The following PSD3 variants were observed in gnomAD, a reference collection of about 807,000 sequenced individuals.
PSD3 encodes PH and SEC7 domain-containing protein 3.
In PSD3, 49 loss-of-function variants were observed where a neutral mutation model predicts 105.5. The observed-to-expected ratio is 0.46, with a 90% CI of 0.37 to 0.59. The LOEUF is 0.59. PSD3 is among the 20% of genes least tolerant of loss of function. PSD3 has a pLI of 0.00. For missense variants in PSD3, 1,561 were observed against 1,263.8 expected (o/e 1.24, Z -3.57); for synonymous variants, 557 against 457.8 (o/e 1.22, Z -2.77).
At chr8:18,928,297 G>A (rs183470760) in intron 2 of PSD3, among the ~76,000 whole-genome samples, 82 of 152,312 alleles carry the variant, frequency 5.4e-4, no homozygotes, top group Non-Finnish European at 9.6e-4. Context: ...CCTCTTGCCA[G>A]CTGCCATGTA....
At chr8:18,701,026 T>A (rs971866123) in intron 9 of PSD3, among the ~76,000 whole-genome samples, 1 of 152,124 alleles carries the variant, frequency 6.6e-6, no homozygotes, top group Non-Finnish European at 1.5e-5. Context: ...GAGTGCAGTG[T>A]TGTGATCATG....
intron 1 of PSD3, among the ~76,000 whole-genome samples, chr8:18,950,099 T>C (rs1451321328): frequency 1.3e-5 from 2 of 152,072 alleles, no homozygotes; most frequent in African/African-American, 4.8e-5. Flanking sequence ...AACTATAGCT[T>C]TGTCACGATA....
At chr8:18,863,481 T>C (rs1169384938) in intron 4 of PSD3, among the ~76,000 whole-genome samples, 1 of 152,176 alleles carries the variant, frequency 6.6e-6, no homozygotes, top group Non-Finnish European at 1.5e-5. Context: ...TGATATATTG[T>C]GTTCCATGCA....
At chr8:18,791,184 A>C (rs992050046) in intron 8 of PSD3, among the ~76,000 whole-genome samples, 3 of 152,216 alleles carry the variant, frequency 2.0e-5, no homozygotes, top group African/African-American at 7.2e-5. Context: ...TGCTATCCCC[A>C]TTAAACTACC....
intron 9 of PSD3, among the ~76,000 whole-genome samples, chr8:18,682,384 T>C (rs17127040): frequency 0.053 from 8,092 of 152,270 alleles, 520 homozygotes; most frequent in African/African-American, 0.15. Flanking sequence ...CTCACATACA[T>C]TTATTTAAGA....
rs768457584 is a variant in PSD3 at position 18,556,320 on chromosome 8, C to T, written c.2817G>A (p.Leu939=). 1.9e-6 allele frequency: 3 copies of T among 1,613,620 alleles called. No homozygotes were observed. Among genetic ancestry groups the T allele is most frequent in the Non-Finnish European group, 2.5e-6 (3 of 1,179,894 alleles). ...CGGCCAGCTCGGTGGTGATCTGCTT[C>T]AGCTTACTTTCATGTGACTTCAGTT... The part of the protein sequence containing the change: ...EEQLKSHESK[L]KQITTELAEH... Residue 939 remains leucine (L), a synonymous_variant, in exon 15 of 16, where the codon CTG becomes CTA. Transcript: ENST00000327040.
At chr8:18,821,040 C>G (rs1812655937) in intron 4 of PSD3, among the ~76,000 whole-genome samples, 1 of 152,182 alleles carries the variant, frequency 6.6e-6, no homozygotes, top group African/African-American at 2.4e-5. Context: ...GGCATGGAGT[C>G]ACTGCACCCA....
chr8:18,955,371 G>T (rs1190806904), intron 1 of PSD3, among the ~76,000 whole-genome samples: 1 of 152,140 alleles, frequency 6.6e-6, no homozygotes, highest in East Asian at 1.9e-4. Context: ...CTCCTGAGTA[G>T]CTGGGACTAT....
intron 8 of PSD3, among the ~76,000 whole-genome samples, chr8:18,798,445 C>T (rs1455375878): frequency 2.0e-5 from 3 of 152,018 alleles, no homozygotes; most frequent in Non-Finnish European, 4.4e-5. Context: ...CTTAATGGTC[C>T]CATAGAGCTC....
At chr8:18,937,791 G>A (rs1005506678) in intron 1 of PSD3, among the ~76,000 whole-genome samples, 1 of 152,190 alleles carries the variant, frequency 6.6e-6, no homozygotes, top group Non-Finnish European at 1.5e-5. Flanking sequence ...TCGGCCAAGG[G>A]GCTGCCACGT....
intron 1 of PSD3, among the ~76,000 whole-genome samples, chr8:18,969,062 T>A (rs1043462356): frequency 1.3e-5 from 2 of 152,186 alleles, no homozygotes; most frequent in African/African-American, 4.8e-5. Flanking sequence ...AAGTGTCTAC[T>A]ATGAAAAGGA....
chr8:18,839,068 G>T (rs375777951), intron 4 of PSD3, among the ~76,000 whole-genome samples: 3 of 151,578 alleles, frequency 2.0e-5, no homozygotes, highest in South Asian at 2.1e-4. Context: ...TTTAAAAAGG[G>T]AACTAAAGCT....
chr8:18,791,302 G>A (rs1809696769), intron 8 of PSD3, among the ~76,000 whole-genome samples: 1 of 152,054 alleles, frequency 6.6e-6, no homozygotes, highest in Non-Finnish European at 1.5e-5. Flanking sequence ...GCAAGCTGGA[G>A]GCATCGTGCT....
At chr8:18,815,296 A>C (rs1413376799) in intron 4 of PSD3, among the ~76,000 whole-genome samples, 2 of 151,926 alleles carry the variant, frequency 1.3e-5, no homozygotes, top group Non-Finnish European at 2.9e-5. Flanking sequence ...CCTTTCTTCA[A>C]ATTCTTTTTT....
chr8:18,584,921 G>T (rs1295389777), intron 12 of PSD3, among the ~76,000 whole-genome samples: 1 of 152,152 alleles, frequency 6.6e-6, no homozygotes, highest in African/African-American at 2.4e-5. Flanking sequence ...GAGGGAGAGG[G>T]AGCGGAGGCA....
chr8:18,954,574 T>G (rs1823442909), intron 1 of PSD3, among the ~76,000 whole-genome samples: 1 of 152,076 alleles, frequency 6.6e-6, no homozygotes, highest in South Asian at 2.1e-4. Context: ...AAAAAAGAGT[T>G]CTGGTCGGAG....
chr8:18,601,815 C>T (rs1003359532), intron 11 of PSD3, among the ~76,000 whole-genome samples: 3 of 152,168 alleles, frequency 2.0e-5, no homozygotes, highest in African/African-American at 7.2e-5. Context: ...AATTCTGATA[C>T]TGCCAACATG....
intron 1 of PSD3, among the ~76,000 whole-genome samples, chr8:19,075,225 A>AGCATGAGGG (rs1407770179): frequency 6.6e-6 from 1 of 152,078 alleles, no homozygotes; most frequent in Non-Finnish European, 1.5e-5. Flanking sequence ...TGGGATTACA[A>AGCATGAGGG]GCATGAACCA....
intron 8 of PSD3, among the ~76,000 whole-genome samples, chr8:18,769,034 A>T (rs1325775136): frequency 6.6e-6 from 1 of 152,244 alleles, no homozygotes; most frequent in Non-Finnish European, 1.5e-5. Flanking sequence ...TATACTGAAG[A>T]CGACAATAAC....
Sources: gnomAD v4.1 joint callset for allele counts (sites outside exome capture counted in the v4.1 genomes callset) on GRCh38, gnomAD v4.1.1 for gene constraint, MANE v1.5 for transcripts, NCBI Gene and HGNC (gene_info 2026-07-23, HGNC 2026-07-21) for gene names.